PREX1: variants seen among roughly 807,000 people sequenced by gnomAD.
PREX1 encodes the protein phosphatidylinositol-3,4,5-trisphosphate dependent Rac exchange factor 1, also known as phosphatidylinositol 3,4,5-trisphosphate-dependent Rac exchanger 1 protein.
PREX1 carries 41 observed loss-of-function variants against 198.3 expected under a neutral mutation model. The ratio of observed to expected loss-of-function variants is 0.21; its 90% CI spans 0.16 to 0.27. The LOEUF is 0.27. Ranked by LOEUF, PREX1 falls within the 10% of genes least tolerant of loss-of-function variation. The probability of loss-of-function intolerance (pLI) is 1.00; values close to 1 mark genes in which losing one functional copy is unlikely to be tolerated. For missense variants in PREX1, 1,620 were observed against 2,200.7 expected, an observed-to-expected ratio of 0.74 and a Z score of 5.28; for synonymous variants, 843 against 887.2, an observed-to-expected ratio of 0.95 and a Z score of 0.89.
At chr20:48,785,636 C>T (rs1487182291) in intron 1 of PREX1, among the ~76,000 whole-genome samples, 1 of 152,216 alleles carries the variant, frequency 6.6e-6, no homozygotes, top group Non-Finnish European at 1.5e-5. Flanking sequence ...CCCCTCTCAC[C>T]CTACAGAAGT....
At chr20:48,669,621 T>C (rs888943801) in intron 14 of PREX1, among the ~76,000 whole-genome samples, 1 of 152,166 alleles carries the variant, frequency 6.6e-6, no homozygotes, top group Admixed American at 6.5e-5. Context: ...AGAGAGGACC[T>C]AGTTTGAAAA....
chr20:48,875,708 C>T, the PREX1 span, among the ~76,000 whole-genome samples: 34 of 152,224 alleles, frequency 2.2e-4, no homozygotes, highest in African/African-American at 7.7e-4. Flanking sequence ...AGAAGTCTGA[C>T]GTGTTTCAGT....
At chr20:48,816,354 C>T (rs2090459174) in intron 1 of PREX1, among the ~76,000 whole-genome samples, 2 of 152,184 alleles carry the variant, frequency 1.3e-5, no homozygotes, top group Admixed American at 1.3e-4. Context: ...CCCCCTGTGT[C>T]CACGCCCTGG....
intron 37 of PREX1, among the ~76,000 whole-genome samples, chr20:48,629,212 ACACT>A (rs1450441898): frequency 1.3e-5 from 2 of 152,186 alleles, no homozygotes; most frequent in African/African-American, 2.4e-5. Flanking sequence ...GCTCTCACAC[ACACT>A]CACTACGGCG....
chr20:48,771,818 G>C (rs1938265974), intron 1 of PREX1, among the ~76,000 whole-genome samples: 1 of 152,186 alleles, frequency 6.6e-6, no homozygotes, highest in South Asian at 2.1e-4. Flanking sequence ...GGCAGGGTGT[G>C]ATGCCACGCA....
chr20:48,720,800 T>C (rs747466324), intron 5 of PREX1, among the ~76,000 whole-genome samples: 9 of 151,888 alleles, frequency 5.9e-5, no homozygotes, highest in Non-Finnish European at 1.2e-4. Context: ...ATCAGCCACT[T>C]TCCTCCCAGC....
At chr20:48,842,930 A>G in the PREX1 span, among the ~76,000 whole-genome samples, 2 of 152,192 alleles carry the variant, frequency 1.3e-5, no homozygotes, top group East Asian at 1.9e-4. Flanking sequence ...TTTTTCATCT[A>G]TTTTGCTCAT....
intron 16 of PREX1, 117 bp downstream of exon 16, chr20:48,659,802 C>T: frequency 7.0e-7 from 1 of 1,420,090 alleles, no homozygotes. Flanking sequence ...TAGAATCCAC[C>T]TATTCTGGTA....
the PREX1 span, among the ~76,000 whole-genome samples, chr20:48,872,426 T>C: frequency 6.6e-6 from 1 of 151,718 alleles, no homozygotes; most frequent in Non-Finnish European, 1.5e-5. Flanking sequence ...AGGCTTGAGA[T>C]CAACTAAGTA....
At chr20:48,816,904 C>T (rs1054343805) in intron 1 of PREX1, among the ~76,000 whole-genome samples, 4 of 152,208 alleles carry the variant, frequency 2.6e-5, no homozygotes, top group African/African-American at 9.7e-5. Context: ...AGGTAATTAA[C>T]AGGCGTTATT....
At chr20:48,745,170 A>G (rs779859736) in intron 2 of PREX1, 23 bp from the exon 3 acceptor site, 1 of 1,608,692 alleles carries the variant, frequency 6.2e-7, no homozygotes, top group Non-Finnish European at 8.5e-7. Context: ...GAGAGGCCAG[A>G]GGACAGCGTT....
the PREX1 span, among the ~76,000 whole-genome samples, chr20:48,848,740 C>T: frequency 3.3e-5 from 5 of 151,976 alleles, no homozygotes; most frequent in African/African-American, 1.2e-4. Flanking sequence ...AGATATATAA[C>T]ATTTTTAGGG....
rs1037755817 is a variant in PREX1 at position 48,827,327 on chromosome 20, C to A, written c.219+315G>T. ...CGGCGCCGCCGGGGTCCCCAAGCCC[C>A]TGCATCGCGGATGTAACTAATTTTA... is the stretch of plus-strand genomic sequence containing the variant. On this transcript the variant is annotated intron_variant, in intron 1 of 39. Transcript: ENST00000371941. The surrounding 1 kb of genome is among the most constrained non-coding windows in gnomAD (Gnocchi z 4.1). Among the ~76,000 whole-genome samples the A allele has an allele frequency of 7.9e-5, 12 of 152,190 alleles. No homozygotes were observed. Among genetic ancestry groups the A allele is most frequent in the African/African-American group, 2.9e-4 (12 of 41,446 alleles).
At chr20:48,688,874 G>A in intron 9 of PREX1, 70 bp from the exon 10 acceptor site, 10 of 1,587,308 alleles carry the variant, frequency 6.3e-6, no homozygotes, top group African/African-American at 1.3e-5. Context: ...GGGAGACAAG[G>A]GGCAGGCCCA....
intron 1 of PREX1, among the ~76,000 whole-genome samples, chr20:48,823,276 C>T (rs1338058711): frequency 6.6e-6 from 1 of 151,734 alleles, no homozygotes; most frequent in Non-Finnish European, 1.5e-5. Flanking sequence ...CCCAGGCCCT[C>T]TCTTCTCTTT....
chr20:48,802,808 GGT>G (rs904543233), intron 1 of PREX1, among the ~76,000 whole-genome samples: 7 of 152,216 alleles, frequency 4.6e-5, no homozygotes. Context: ...TGCCTGACAT[GGT>G]GTGGGAATCC....
At chr20:48,715,910 G>A (rs1207703900) in intron 5 of PREX1, among the ~76,000 whole-genome samples, 3 of 152,096 alleles carry the variant, frequency 2.0e-5, no homozygotes. Context: ...GGAAACTGAG[G>A]CACAGAGAGG....
At chr20:48,803,552 C>A (rs1480190028) in intron 1 of PREX1, among the ~76,000 whole-genome samples, 3 of 152,274 alleles carry the variant, frequency 2.0e-5, no homozygotes, top group South Asian at 2.1e-4. Context: ...ACCAGCAGCA[C>A]CCCAATTCCA....
chr20:48,658,294 G>A lies in PREX1; in HGVS notation c.1882-66C>T, dbSNP rs548159938. On this transcript the variant is annotated intron_variant, in intron 16 of 39. Transcript: ENST00000371941. ...GTGGGCCTACGGCCAGCCCCACCGTGGCCCCCACAGGACCATGACCTCGTC... is the reference window on the plus strand; with the variant it reads ...GTGGGCCTACGGCCAGCCCCACCGTAGCCCCCACAGGACCATGACCTCGTC... 274 of 1,508,606 alleles carry A rather than the reference G, an allele frequency of 1.8e-4. 4 individuals are homozygous for A. In the Admixed American group the frequency reaches 4.5e-3, roughly 25 times the overall value. The allele number at this position is 1,508,606 out of a possible 1,614,324, so 93.5% of individuals were successfully genotyped here.
Sources: allele counts gnomAD v4.1 joint callset (sites outside exome capture counted in the v4.1 genomes callset), GRCh38; gene constraint gnomAD v4.1.1; non-coding constraint Gnocchi (gnomAD v3.1); transcripts MANE v1.5; gene names NCBI Gene and HGNC (gene_info 2026-07-23, HGNC 2026-07-21).